Variants in CBFA2T2 observed in about 807,000 individuals in gnomAD.
The protein encoded by CBFA2T2 is protein CBFA2T2.
Under a neutral mutation model 62.2 loss-of-function variants are expected in CBFA2T2, and 11 were observed. The observed-to-expected ratio is 0.18, with a 90% confidence interval of 0.11 to 0.29. CBFA2T2 has a LOEUF of 0.29. CBFA2T2 is among the 10% of genes least tolerant of loss of function. The probability of loss-of-function intolerance (pLI) is 1.00; values close to 1 mark genes in which losing one functional copy is unlikely to be tolerated. For synonymous variants in CBFA2T2, 295 were observed against 287.5 expected, an observed-to-expected ratio of 1.03 and a Z score of -0.27; for missense variants, 592 against 774.1, an observed-to-expected ratio of 0.76 and a Z score of 2.79.
At chr20:33,535,170 T>G (rs1019664382) in intron 1 of CBFA2T2, among the ~76,000 whole-genome samples, 63 of 152,368 alleles carry the variant, frequency 4.1e-4, no homozygotes, top group Non-Finnish European at 7.1e-4. Context: ...GTGGTTGCCT[T>G]TCTGAGAATC....
intron 1 of CBFA2T2, among the ~76,000 whole-genome samples, chr20:33,529,671 T>TA (rs1460817017): frequency 2.7e-4 from 40 of 148,290 alleles, no homozygotes; most frequent in Non-Finnish European, 5.0e-4. Flanking sequence ...ACCCTGTCTT[T>TA]AAAAAAACAA....
In CBFA2T2 at chr20:33,526,342, A is replaced by G. The variant is rs151095865; in HGVS notation, c.34+36041A>G. On this transcript the variant is annotated intron_variant, in intron 1 of 10. Transcript: ENST00000342704. ...AAAAGAAGGTGTGTACTGATGATCTACTGACAAAAATGTGACTAGAGGCTC... is the reference window on the plus strand; with the variant it reads ...AAAAGAAGGTGTGTACTGATGATCTGCTGACAAAAATGTGACTAGAGGCTC... Among the ~76,000 whole-genome samples the G allele has an allele frequency of 2.6e-4, 39 of 152,348 alleles. 1 individual carries two copies. The East Asian group carries it at 3.5e-3, about 14-fold the overall frequency.
At chr20:33,501,071 T>G (rs970528454) in intron 1 of CBFA2T2, among the ~76,000 whole-genome samples, 1 of 152,238 alleles carries the variant, frequency 6.6e-6, no homozygotes, top group Admixed American at 6.5e-5. Context: ...CCTTCTATTT[T>G]GTGTTGTAAT....
chr20:33,573,537 A>G (rs2146905303), intron 1 of CBFA2T2, among the ~76,000 whole-genome samples: 1 of 151,570 alleles, frequency 6.6e-6, no homozygotes, highest in East Asian at 1.9e-4. Flanking sequence ...GCTGAAGTGC[A>G]GTGGCGTGAT....
At position 33,607,015 on chromosome 20, in the gene CBFA2T2, T is replaced by G; in HGVS notation, c.94T>G (p.Ser32Ala). ...PGSPVEVKIQ[S>A]RSSPPTMPPL... Reference sequence around the variant, plus strand: ...ATCGCCTGTGGAAGTGAAGATACAGTCCAGATCCTCACCTCCCACCATGCC... The same window carrying G: ...ATCGCCTGTGGAAGTGAAGATACAGGCCAGATCCTCACCTCCCACCATGCC... Residue 32 changes from serine to alanine, a missense_variant, in exon 2 of 11, where the codon TCC becomes GCC. This residue lies in a region of CBFA2T2 where 449 missense variants were observed against 551.2 expected (regional missense o/e 0.81). Transcript: ENST00000342704. 1 of 1,613,914 alleles carries G rather than the reference T, an allele frequency of 6.2e-7. No individual in the cohort carries two copies. Among genetic ancestry groups the G allele is most frequent in the Non-Finnish European group, 8.5e-7 (1 of 1,179,878 alleles).
chr20:33,571,371 G>A (rs1234595826), intron 1 of CBFA2T2, among the ~76,000 whole-genome samples: 2 of 152,140 alleles, frequency 1.3e-5, no homozygotes, highest in African/African-American at 4.8e-5. Flanking sequence ...AAAATAGTGG[G>A]TGAGTTTAAA....
At chr20:33,561,187 T>C (rs190318908) in intron 1 of CBFA2T2, among the ~76,000 whole-genome samples, 217 of 152,230 alleles carry the variant, frequency 1.4e-3, no homozygotes, top group African/African-American at 5.0e-3. Flanking sequence ...TTCTTTTTCT[T>C]TTCTTTTTTA....
chr20:33,620,725 G>T (rs941438192), intron 4 of CBFA2T2, among the ~76,000 whole-genome samples: 2 of 151,928 alleles, frequency 1.3e-5, no homozygotes, highest in African/African-American at 4.8e-5. Flanking sequence ...CTACTCACGA[G>T]GCTGAGGCAG....
intron 1 of CBFA2T2, among the ~76,000 whole-genome samples, chr20:33,554,862 A>G (rs2012851171): frequency 1.3e-5 from 2 of 152,148 alleles, no homozygotes; most frequent in Admixed American, 1.3e-4. Flanking sequence ...CTATTAATTT[A>G]GATTGAATGT....
intron 1 of CBFA2T2, among the ~76,000 whole-genome samples, chr20:33,493,892 GT>G (rs1022997071): frequency 6.6e-6 from 1 of 151,480 alleles, no homozygotes; most frequent in African/African-American, 2.4e-5. Flanking sequence ...TTTTTTTATG[GT>G]TTTTTTTGAG....
intron 10 of CBFA2T2, among the ~76,000 whole-genome samples, chr20:33,642,866 T>A (rs2016906719): frequency 6.6e-6 from 1 of 152,192 alleles, no homozygotes; most frequent in Non-Finnish European, 1.5e-5. Context: ...TAGGTTTAAA[T>A]CCCAGCTCTC....
chr20:33,522,506 T>C (rs6141962), intron 1 of CBFA2T2, among the ~76,000 whole-genome samples: 45,023 of 151,380 alleles, frequency 0.3, 6,838 homozygotes, highest in East Asian at 0.36. Context: ...GGTGGGAGGA[T>C]TGTTTGAGGC....
intron 1 of CBFA2T2, among the ~76,000 whole-genome samples, chr20:33,503,234 C>G (rs923655542): frequency 6.9e-6 from 1 of 145,716 alleles, no homozygotes; most frequent in East Asian, 2.0e-4. Context: ...AAATATGTAT[C>G]TAAATTTCTT....
chr20:33,557,956 C>CTCCCAA (rs1429048193), intron 1 of CBFA2T2, among the ~76,000 whole-genome samples: 3 of 152,080 alleles, frequency 2.0e-5, no homozygotes, highest in African/African-American at 7.2e-5. Flanking sequence ...CTGCCTAAGC[C>CTCCCAA]TCCCAAGTAG....
chr20:33,592,371 A>ATT (rs1376013728), intron 1 of CBFA2T2, among the ~76,000 whole-genome samples: 2 of 93,542 alleles, frequency 2.1e-5, no homozygotes, highest in Non-Finnish European at 4.5e-5. Flanking sequence ...CTCAAAAAAA[A>ATT]TTTTATATAT....
chr20:33,556,501 T>G (rs754927270), intron 1 of CBFA2T2, among the ~76,000 whole-genome samples: 3 of 152,174 alleles, frequency 2.0e-5, no homozygotes, highest in Non-Finnish European at 2.9e-5. Flanking sequence ...AATAAGTAAT[T>G]TGTTGGGTAT....
At position 33,595,542 on chromosome 20, in the gene CBFA2T2, T is replaced by C. The variant is rs1036242063; in HGVS notation, c.35-11414T>C. Among the ~76,000 whole-genome samples, 3 of 151,366 alleles carry C rather than the reference T, an allele frequency of 2.0e-5. No individual in the cohort carries two copies. In the East Asian group the frequency reaches 5.8e-4, roughly 29 times the overall value. On this transcript the variant is annotated intron_variant, in intron 1 of 10. Coordinates refer to ENST00000342704, the MANE Select transcript of CBFA2T2 (RefSeq NM_001032999.3). ...CTTATACGGTACTTGTTTTTTAATT[T>C]TCATTTTTTTTTTAATTTATTTTTT...
At chr20:33,634,841 G>T (rs1729402388) in intron 8 of CBFA2T2, among the ~76,000 whole-genome samples, 1 of 152,142 alleles carries the variant, frequency 6.6e-6, no homozygotes, top group Non-Finnish European at 1.5e-5. Flanking sequence ...ACAATTAAGG[G>T]TGACCACTCT....
chr20:33,500,578 G>T (rs577678627), intron 1 of CBFA2T2, among the ~76,000 whole-genome samples: 1 of 151,992 alleles, frequency 6.6e-6, no homozygotes, highest in Admixed American at 6.6e-5. Flanking sequence ...CCATGGTGGC[G>T]CATGCCTGTA....
Sources: gnomAD v4.1 joint callset for allele counts (sites outside exome capture counted in the v4.1 genomes callset) on GRCh38, gnomAD v4.1.1 for gene constraint, gnomAD v4.1.1 regional missense constraint, MANE v1.5 for transcripts, NCBI Gene and HGNC (gene_info 2026-07-23, HGNC 2026-07-21) for gene names.